XXYLT1: variants seen among roughly 807,000 people sequenced by gnomAD.
The protein encoded by XXYLT1 is UDP-xylose:alpha-xyloside alpha-1,3-xylosyltransferase.
A neutral mutation model predicts 28.9 loss-of-function variants in XXYLT1; 20 were observed. The ratio of observed to expected loss-of-function variants is 0.69; its 90% CI spans 0.49 to 1.00. The LOEUF (loss-of-function observed/expected upper bound fraction) is 1.00, where lower values mean the gene tolerates loss of function less well. Ranked by LOEUF, XXYLT1 falls within the 50% of genes least tolerant of loss-of-function variation. XXYLT1 has a pLI of 0.00. For missense variants in XXYLT1, 542 were observed against 560.1 expected, an observed-to-expected ratio of 0.97 and a Z score of 0.33; for synonymous variants, 257 against 253.8, an observed-to-expected ratio of 1.01 and a Z score of -0.12.
Position 195,271,053 on chromosome 3 carries a change from G to A in XXYLT1, c.6C>T (p.Gly2=). M[G]LLRGGLPCAR... is the part of the protein sequence containing the mutation. The stretch of plus-strand genomic sequence containing the variant: ...CGCATGGGAGCCCGCCTCGGAGGAG[G>A]CCCATGCGCTACGAGACCGCGGCGC... Residue 2 remains glycine, a synonymous_variant, in exon 1 of 4, where the codon GGC becomes GGT. Transcript: ENST00000310380. 7.2e-7 allele frequency: 1 copy of A among 1,396,564 alleles called. No homozygotes were observed. Among genetic ancestry groups the A allele is most frequent in the Non-Finnish European group, 9.3e-7 (1 of 1,080,490 alleles). 86.5% of individuals were successfully genotyped at this position (1,396,564 alleles called of 1,614,324 possible).
intron 2 of XXYLT1, among the ~76,000 whole-genome samples, chr3:195,157,511 C>G (rs750469): frequency 1.3e-5 from 2 of 152,188 alleles, no homozygotes; most frequent in Non-Finnish European, 2.9e-5. Context: ...CACCTGGCAC[C>G]TAAGAGCTGC....
At chr3:195,269,150 C>T (rs1485592453) in intron 1 of XXYLT1, among the ~76,000 whole-genome samples, 5 of 152,222 alleles carry the variant, frequency 3.3e-5, no homozygotes, top group East Asian at 1.9e-4. Flanking sequence ...GATCCGGCAA[C>T]GGTGCAGAGT....
intron 3 of XXYLT1, among the ~76,000 whole-genome samples, chr3:195,119,938 C>CG (rs1449828867): frequency 1.0e-4 from 5 of 50,134 alleles, no homozygotes; most frequent in Admixed American, 2.3e-4. Flanking sequence ...CTGGGCGGGG[C>CG]GGGGGGAGCA....
intron 3 of XXYLT1, among the ~76,000 whole-genome samples, chr3:195,075,244 C>T (rs1715048437): frequency 6.6e-6 from 1 of 152,182 alleles, no homozygotes; most frequent in African/African-American, 2.4e-5. Flanking sequence ...AAGAGTGAAA[C>T]TCCGTCTCAA....
intron 1 of XXYLT1, among the ~76,000 whole-genome samples, chr3:195,247,314 G>C (rs113065884): frequency 0.01 from 1,582 of 152,282 alleles, 20 homozygotes; most frequent in African/African-American, 0.035. Context: ...GGCCGTGAAG[G>C]CTTCTTAGCC....
chr3:195,097,269 A>G (rs1716500157), intron 3 of XXYLT1, among the ~76,000 whole-genome samples: 1 of 152,234 alleles, frequency 6.6e-6, no homozygotes, highest in African/African-American at 2.4e-5. Context: ...ACAGAGAGAT[A>G]TACTGTAGCT....
chr3:195,228,776 C>T (rs2108805035), intron 1 of XXYLT1, among the ~76,000 whole-genome samples: 1 of 152,058 alleles, frequency 6.6e-6, no homozygotes, highest in South Asian at 2.1e-4. Flanking sequence ...GCATGATCCA[C>T]CACACCCGGC....
At chr3:195,099,601 C>A (rs530134904) in intron 3 of XXYLT1, among the ~76,000 whole-genome samples, 1 of 152,004 alleles carries the variant, frequency 6.6e-6, no homozygotes, top group African/African-American at 2.4e-5. Flanking sequence ...GAGGCCGAGG[C>A]GGGTGGATTA....
intron 1 of XXYLT1, among the ~76,000 whole-genome samples, chr3:195,236,289 A>G (rs1293177502): frequency 1.3e-5 from 2 of 152,044 alleles, no homozygotes; most frequent in Non-Finnish European, 2.9e-5. Flanking sequence ...TACTGCGGTT[A>G]AGCTGGCAAC....
intron 2 of XXYLT1, among the ~76,000 whole-genome samples, chr3:195,172,554 T>C (rs1033434613): frequency 2.0e-5 from 3 of 152,224 alleles, no homozygotes; most frequent in African/African-American, 7.2e-5. Flanking sequence ...CGAATATTTA[T>C]TACACCCCTA....
At chr3:195,270,434 G>A in intron 1 of XXYLT1, 121 bp downstream of exon 1, 1 of 1,337,934 alleles carries the variant, frequency 7.5e-7, no homozygotes, top group Non-Finnish European at 9.5e-7. Flanking sequence ...TACATTGCAA[G>A]CGGGCAGCTC....
In XXYLT1 at chr3:195,252,692, CCACACACACACA is replaced by C. The variant is rs774827660; in HGVS notation, c.504+17851_504+17862del. Among the ~76,000 whole-genome samples the C allele has an allele frequency of 2.2e-3, 184 of 84,208 alleles. 1 individual carries two copies. The highest frequency in any genetic ancestry group is 7.8e-3 in the African/African-American group (173 of 22,200). The allele number at this position is 84,208 out of a possible 152,430, so 55.2% of individuals were successfully genotyped here. A position where few individuals can be genotyped will look rare whatever the true frequency, so the allele number is the denominator to read the frequency against. Reference sequence around the variant, plus strand: ...GAACAATTCAAAAGAAGAAAAAAAACCACACACACACACACACACACACACACACACACACAG... The same window carrying C: ...GAACAATTCAAAAGAAGAAAAAAAACCACACACACACACACACACACACAG... On this transcript the variant is annotated intron_variant, in intron 1 of 3. Transcript: ENST00000310380.
chr3:195,123,834 C>T (rs111577186), intron 3 of XXYLT1, among the ~76,000 whole-genome samples: 10 of 152,198 alleles, frequency 6.6e-5, no homozygotes, highest in Middle Eastern at 3.2e-3. Flanking sequence ...TTCTGTCCCC[C>T]GCCCAGGACA....
intron 3 of XXYLT1, among the ~76,000 whole-genome samples, chr3:195,107,579 GAGGAGGGGGAGGAGGAGGGGGAGGA>G (rs1717200425): frequency 3.9e-5 from 1 of 25,828 alleles, no homozygotes; most frequent in African/African-American, 1.6e-4. Flanking sequence ...GGAGGGGGAG[GAGGAGGGGGAGGAGGAGGGGGAGGA>G]GGAAGGGGAG....
At chr3:195,110,332 T>TATGTGTGCATGTGTGTGTGAG in intron 3 of XXYLT1, among the ~76,000 whole-genome samples, 1 of 8,304 alleles carries the variant, frequency 1.2e-4, no homozygotes, top group Middle Eastern at 0.083. Context: ...GGGTGAGGTG[T>TATGTGTGCATGTGTGTGTGAG]GTGTATGTGT....
In XXYLT1 at chr3:195,255,521, T is replaced by C. The variant is rs11921174; in HGVS notation, c.504+15034A>G. On this transcript the variant is annotated intron_variant, in intron 1 of 3. Coordinates refer to ENST00000310380, the MANE Select transcript of XXYLT1 (RefSeq NM_152531.5). The surrounding 1 kb of genome is among the most constrained non-coding windows in gnomAD (Gnocchi z 4.5). ...AGTGGACGTGGAGCAAAGCCTTTCA[T>C]TGTCCACAAAACACAGACGACTGCA... is the stretch of plus-strand genomic sequence containing the variant. 0.1 allele frequency among the ~76,000 whole-genome samples: 15,455 copies of C among 151,630 alleles called. 1,525 individuals carry two copies. The highest frequency in any genetic ancestry group is 0.25 in the African/African-American group (10,482 of 41,482).
In XXYLT1 at chr3:195,069,643, C is replaced by T; in HGVS notation, c.*72G>A. On this transcript the variant is annotated 3_prime_UTR_variant, in exon 4 of 4. Coordinates refer to ENST00000310380, the MANE Select transcript of XXYLT1 (RefSeq NM_152531.5). Reference sequence around the variant, plus strand: ...TCTCTCTAGCGGGTCAGACACTGCCCTTGGGTCTGTCCCAAGGAACCCTGT... The same window carrying T: ...TCTCTCTAGCGGGTCAGACACTGCCTTTGGGTCTGTCCCAAGGAACCCTGT... 6.5e-7 allele frequency: 1 copy of T among 1,533,288 alleles called. No individual in the cohort carries two copies. The allele number at this position is 1,533,288 out of a possible 1,614,324, so 95.0% of individuals were successfully genotyped here.
At chr3:195,254,344 A>G (rs1398373546) in intron 1 of XXYLT1, among the ~76,000 whole-genome samples, 1 of 152,212 alleles carries the variant, frequency 6.6e-6, no homozygotes, top group Non-Finnish European at 1.5e-5. Context: ...GGTGATTTTC[A>G]AAGTACCATC....
intron 2 of XXYLT1, among the ~76,000 whole-genome samples, chr3:195,208,398 A>G (rs1161334326): frequency 6.6e-6 from 1 of 152,068 alleles, no homozygotes; most frequent in African/African-American, 2.4e-5. Context: ...CCCACTGCCC[A>G]CACGCCTGCC....
Sources: gnomAD v4.1 joint callset for allele counts (sites outside exome capture counted in the v4.1 genomes callset) on GRCh38, gnomAD v4.1.1 for gene constraint, Gnocchi (gnomAD v3.1) non-coding constraint, MANE v1.5 for transcripts, NCBI Gene and HGNC (gene_info 2026-07-23, HGNC 2026-07-21) for gene names.